Variants in RARA observed in about 807,000 individuals in gnomAD.
RARA encodes the protein PML-DDX5-RARA fusion.
A neutral mutation model predicts 42.8 loss-of-function variants in RARA; 5 were observed. That is an observed-to-expected ratio of 0.12 (90% CI 0.06 to 0.25). RARA has a LOEUF of 0.25. Among genes scored for constraint, RARA ranks in the 10% least tolerant of loss-of-function variants. The probability of loss-of-function intolerance (pLI) is 1.00; values close to 1 mark genes in which losing one functional copy is unlikely to be tolerated. For missense variants in RARA, 402 were observed against 628.7 expected (o/e 0.64, Z 3.86); for synonymous variants, 256 against 259.5 (o/e 0.99, Z 0.13).
intron 2 of RARA, chr17:40,342,211 GC>G (rs2034081615): frequency 2.8e-6 from 3 of 1,053,544 alleles, no homozygotes; most frequent in Non-Finnish European, 3.4e-6. Flanking sequence ...CCCTGGCCTG[GC>G]GGGGGCGGAA....
intron 1 of RARA, among the ~76,000 whole-genome samples, chr17:40,330,468 C>T (rs959587644): frequency 3.3e-5 from 5 of 152,112 alleles, no homozygotes; most frequent in Admixed American, 2.0e-4. Context: ...GGCTTTTCCT[C>T]CCCCTCCCTC....
At chr17:40,316,065 T>TC (rs976705672) in intron 1 of RARA, among the ~76,000 whole-genome samples, 4 of 152,180 alleles carry the variant, frequency 2.6e-5, no homozygotes. Context: ...AGACTCCTGG[T>TC]CCCCCACCTG....
At chr17:40,311,059 C>A (rs1466194052) in intron 1 of RARA, among the ~76,000 whole-genome samples, 3 of 152,066 alleles carry the variant, frequency 2.0e-5, no homozygotes, top group African/African-American at 7.2e-5. Flanking sequence ...TCTGGGGCCC[C>A]ATACTTGCTC....
intron 1 of RARA, among the ~76,000 whole-genome samples, chr17:40,325,268 T>C (rs2033506332): frequency 6.7e-6 from 1 of 149,180 alleles, no homozygotes; most frequent in African/African-American, 2.5e-5. Context: ...AATAAATAAA[T>C]AAATAAATAA....
intron 2 of RARA, among the ~76,000 whole-genome samples, chr17:40,344,118 A>C: frequency 6.7e-6 from 1 of 149,312 alleles, no homozygotes; most frequent in Admixed American, 6.6e-5. Flanking sequence ...GGGCCCTGGC[A>C]GATTGGAGAA....
chr17:40,344,480 G>A (rs2034185876), intron 2 of RARA, among the ~76,000 whole-genome samples: 1 of 152,194 alleles, frequency 6.6e-6, no homozygotes, highest in South Asian at 2.1e-4. Flanking sequence ...GGGCTGGAGA[G>A]AAGCTGGGAT....
At position 40,354,635 on chromosome 17, in the gene RARA, A is replaced by G; in HGVS notation, c.1012+129A>G. 8.8e-7 allele frequency: 1 copy of G among 1,142,652 alleles called. No individual in the cohort carries two copies. Among genetic ancestry groups the G allele is most frequent in the Non-Finnish European group, 1.2e-6 (1 of 821,132 alleles). The allele number at this position is 1,142,652 out of a possible 1,614,324, so 70.8% of individuals were successfully genotyped here. ...AGGGCAGGGTCTGGTCTGCAACTACACAGCAAGGGGGCCATGTGGGGCCTG... is the reference window on the plus strand; with the variant it reads ...AGGGCAGGGTCTGGTCTGCAACTACGCAGCAAGGGGGCCATGTGGGGCCTG... On this transcript the variant is annotated intron_variant, in intron 7 of 8. Transcript: ENST00000254066. The surrounding 1 kb of genome is among the most constrained non-coding windows in gnomAD (Gnocchi z 4.5).
rs552953593 is a variant in RARA at position 40,336,287 on chromosome 17, G to A, written c.178+4891G>A. Among the ~76,000 whole-genome samples the A allele has an allele frequency of 3.3e-5, 5 of 152,180 alleles. No individual in the cohort carries two copies. The South Asian group carries it at 1.0e-3, about 32-fold the overall frequency. ...TAGAGATGGGGTTCCTCCTTATTAGGCTGGTCTTGAACTCCTGACCTCAGG... is the reference window on the plus strand; with the variant it reads ...TAGAGATGGGGTTCCTCCTTATTAGACTGGTCTTGAACTCCTGACCTCAGG... On this transcript the variant is annotated intron_variant, in intron 2 of 8. Coordinates refer to ENST00000254066, the MANE Select transcript of RARA (RefSeq NM_000964.4).
In RARA at chr17:40,355,128, C is replaced by G. The variant is rs2034575408; in HGVS notation, c.1013-135C>G. ...TCTGTACCCTGCGGCAGCAGAGACC[C>G]CATGCCCTGCCCTGTGTGGGGAGGC... is the stretch of plus-strand genomic sequence containing the variant. On this transcript the variant is annotated intron_variant, in intron 7 of 8. Transcript: ENST00000254066. This position sits in a 1 kb window ranked among gnomAD's most constrained non-coding sequence, Gnocchi z 4.1. The G allele has an allele frequency of 8.9e-7, 1 of 1,122,436 alleles. No individual in the cohort carries two copies. Among genetic ancestry groups the G allele is most frequent in the African/African-American group, 1.6e-5 (1 of 63,298 alleles). The allele number at this position is 1,122,436 out of a possible 1,614,324, so 69.5% of individuals were successfully genotyped here. A position where few individuals can be genotyped will look rare whatever the true frequency, so the allele number is the denominator to read the frequency against.
chr17:40,328,025 T>C (rs892777533), intron 1 of RARA, among the ~76,000 whole-genome samples: 1 of 152,172 alleles, frequency 6.6e-6, no homozygotes, highest in South Asian at 2.1e-4. Context: ...ATTGTCATAA[T>C]GAGTAACAGT....
intron 1 of RARA, among the ~76,000 whole-genome samples, chr17:40,330,241 C>T (rs1348639649): frequency 6.6e-6 from 1 of 152,078 alleles, no homozygotes; most frequent in Non-Finnish European, 1.5e-5. Context: ...CATCGCCTAC[C>T]CCTGGACCAT....
At position 40,354,264 on chromosome 17, in the gene RARA, G is replaced by C; in HGVS notation, c.808-38G>C. 1.2e-6 allele frequency: 2 copies of C among 1,601,092 alleles called. No homozygotes were observed. Among genetic ancestry groups the C allele is most frequent in the Non-Finnish European group, 1.7e-6 (2 of 1,170,838 alleles). On this transcript the variant is annotated intron_variant, in intron 6 of 8. Coordinates refer to ENST00000254066, the MANE Select transcript of RARA (RefSeq NM_000964.4). This position sits in a 1 kb window ranked among gnomAD's most constrained non-coding sequence, Gnocchi z 4.5. ...GGTGCCGAGTGCTCAGAGTGGGTTC[G>C]GGTTCAGTCCCTGAACCCAAGCATC...
At chr17:40,353,326 C>T (rs535771264) in intron 6 of RARA, among the ~76,000 whole-genome samples, 1 of 152,096 alleles carries the variant, frequency 6.6e-6, no homozygotes, top group African/African-American at 2.4e-5. Flanking sequence ...TGGGAACTGC[C>T]AAAGCCTAGG....
At chr17:40,350,218 TC>T in intron 4 of RARA, 1 of 390,440 alleles carries the variant, frequency 2.6e-6, no homozygotes, top group South Asian at 2.7e-5. Context: ...GTGTGCATGC[TC>T]CAGGATGGCT....
intron 2 of RARA, among the ~76,000 whole-genome samples, chr17:40,333,166 C>T (rs527794492): frequency 2.2e-4 from 33 of 152,302 alleles, no homozygotes; most frequent in Middle Eastern, 3.4e-3. Context: ...TCTTCCGCTT[C>T]GGCCTCCCAT....
In RARA at chr17:40,352,167, C is replaced by A; in HGVS notation, c.630+97C>A. The A allele has an allele frequency of 6.8e-7, 1 of 1,472,302 alleles. No individual in the cohort carries two copies. Among genetic ancestry groups the A allele is most frequent in the Non-Finnish European group, 9.0e-7 (1 of 1,116,756 alleles). 91.2% of individuals were successfully genotyped at this position (1,472,302 alleles called of 1,614,324 possible). ...CACCCCTTCTTGTGCCAGGCAAGAT[C>A]TCTGCGTCCTTCCCTTCCCCTCTCT... On this transcript the variant is annotated intron_variant, in intron 5 of 8. Transcript: ENST00000254066. This position sits in a 1 kb window ranked among gnomAD's most constrained non-coding sequence, Gnocchi z 4.9.
At chr17:40,311,725 G>A (rs2033100088) in intron 1 of RARA, among the ~76,000 whole-genome samples, 1 of 152,288 alleles carries the variant, frequency 6.6e-6, no homozygotes, top group East Asian at 1.9e-4. Flanking sequence ...CCCCTGCAGG[G>A]CTCCAGAGAG....
At position 40,351,031 on chromosome 17, in the gene RARA, C is replaced by CG. The variant is rs1473133934; in HGVS notation, c.470-877dup. On this transcript the variant is annotated intron_variant, in intron 4 of 8. Transcript: ENST00000254066. This position sits in a 1 kb window ranked among gnomAD's most constrained non-coding sequence, Gnocchi z 4.1. ...CCCCTCTCCCGGCTGCTCTGTGCCC[C>CG]GGAGCTGAGCAGCTGCCATTTCAAT... Among the ~76,000 whole-genome samples, 1 of 151,996 alleles carries CG rather than the reference C, an allele frequency of 6.6e-6. No homozygotes were observed. Among genetic ancestry groups the CG allele is most frequent in the Non-Finnish European group, 1.5e-5 (1 of 67,980 alleles).
intron 2 of RARA, among the ~76,000 whole-genome samples, chr17:40,338,009 G>T (rs963880521): frequency 5.3e-5 from 8 of 152,250 alleles, no homozygotes; most frequent in African/African-American, 1.9e-4. Context: ...ACATGACATG[G>T]AGTTTTTAAT....
Sources: allele counts gnomAD v4.1 joint callset (sites outside exome capture counted in the v4.1 genomes callset), GRCh38; gene constraint gnomAD v4.1.1; non-coding constraint Gnocchi (gnomAD v3.1); transcripts MANE v1.5; gene names NCBI Gene and HGNC (gene_info 2026-07-23, HGNC 2026-07-21).